Variants in SLC35D4 observed in about 807,000 individuals in gnomAD.
SLC35D4 encodes the protein UDP-N-acetylglucosamine transporter SLC35D4.
chr18:23,330,620 T>C, the SLC35D4 span, among the ~76,000 whole-genome samples: 1 of 152,124 alleles, frequency 6.6e-6, no homozygotes, highest in Admixed American at 6.5e-5. Context: ...CATTCAGCTC[T>C]CCGGATGGTT....
At chr18:23,270,847 T>C in the SLC35D4 span, among the ~76,000 whole-genome samples, 1 of 152,266 alleles carries the variant, frequency 6.6e-6, no homozygotes, top group South Asian at 2.1e-4. Flanking sequence ...ACAGTTACAA[T>C]AGGCAGAAGG....
chr18:23,350,313 G>A, the SLC35D4 span, among the ~76,000 whole-genome samples: 4 of 152,166 alleles, frequency 2.6e-5, no homozygotes, highest in Non-Finnish European at 4.4e-5. Context: ...ATAGCTTAGT[G>A]TTCTGGCAAA....
At chr18:23,300,278 T>A in the SLC35D4 span, among the ~76,000 whole-genome samples, 7,716 of 152,256 alleles carry the variant, frequency 0.051, 492 homozygotes, top group Admixed American at 0.18. Flanking sequence ...TTCAAGAGCA[T>A]GTATGCCACC....
chr18:23,355,516 G>T, the SLC35D4 span, among the ~76,000 whole-genome samples: 1 of 151,982 alleles, frequency 6.6e-6, no homozygotes, highest in Non-Finnish European at 1.5e-5. Context: ...AATTGTGTCA[G>T]TGTTTTCCTG....
chr18:23,329,296 C>T, the SLC35D4 span, among the ~76,000 whole-genome samples: 2 of 152,114 alleles, frequency 1.3e-5, no homozygotes, highest in Non-Finnish European at 2.9e-5. Context: ...AAAATTTTTG[C>T]AATCTATCCT....
chr18:23,355,190 T>G, the SLC35D4 span, among the ~76,000 whole-genome samples: 5 of 152,138 alleles, frequency 3.3e-5, no homozygotes, highest in Non-Finnish European at 5.9e-5. Context: ...CAAACAGAGA[T>G]TTCCAGATCT....
the SLC35D4 span, among the ~76,000 whole-genome samples, chr18:23,339,518 T>C: frequency 6.6e-6 from 1 of 152,238 alleles, no homozygotes; most frequent in Non-Finnish European, 1.5e-5. Context: ...GAGCTTGTTA[T>C]CATCACAACG....
the SLC35D4 span, among the ~76,000 whole-genome samples, chr18:23,254,728 C>T: frequency 6.6e-6 from 1 of 152,206 alleles, no homozygotes. Flanking sequence ...CAGAGAAAGA[C>T]AAAAAGCAAG....
At chr18:23,295,825 G>A in the SLC35D4 span, among the ~76,000 whole-genome samples, 8 of 152,140 alleles carry the variant, frequency 5.3e-5, no homozygotes, top group South Asian at 4.1e-4. Context: ...CATCAATGAC[G>A]TGGATATTCA....
the SLC35D4 span, among the ~76,000 whole-genome samples, chr18:23,385,708 C>T: frequency 6.6e-6 from 1 of 152,024 alleles, no homozygotes; most frequent in South Asian, 2.1e-4. Flanking sequence ...TTCTGAGGGA[C>T]CCAGGAACCA....
At chr18:23,396,061 T>C in the SLC35D4 span, among the ~76,000 whole-genome samples, 3 of 152,218 alleles carry the variant, frequency 2.0e-5, no homozygotes, top group African/African-American at 7.2e-5. Context: ...ATGTAGTGAA[T>C]GGACAGCTAC....
At chr18:23,341,482 C>T in the SLC35D4 span, among the ~76,000 whole-genome samples, 3 of 152,178 alleles carry the variant, frequency 2.0e-5, no homozygotes, top group African/African-American at 4.8e-5. Context: ...GCCCCCTTAA[C>T]GACCTCCCTC....
At chr18:23,334,723 G>A in the SLC35D4 span, among the ~76,000 whole-genome samples, 1 of 152,104 alleles carries the variant, frequency 6.6e-6, no homozygotes, top group Non-Finnish European at 1.5e-5. Context: ...GGGGCCGGCC[G>A]GGCACGGTGG....
chr18:23,339,974 C>T, the SLC35D4 span, among the ~76,000 whole-genome samples: 11 of 152,264 alleles, frequency 7.2e-5, no homozygotes, highest in African/African-American at 1.7e-4. Flanking sequence ...AGGGGTTCCG[C>T]GAATAGTGAC....
the SLC35D4 span, among the ~76,000 whole-genome samples, chr18:23,249,478 G>A: frequency 2.0e-5 from 3 of 152,324 alleles, no homozygotes; most frequent in Non-Finnish European, 2.9e-5. Context: ...TGGAAAACTT[G>A]TCATGGTGCA....
At chr18:23,397,970 T>C in the SLC35D4 span, among the ~76,000 whole-genome samples, 1 of 152,196 alleles carries the variant, frequency 6.6e-6, no homozygotes, top group Non-Finnish European at 1.5e-5. Context: ...GGAGGATGAC[T>C]TGAGCCTATT....
chr18:23,293,623 T>C, the SLC35D4 span, among the ~76,000 whole-genome samples: 2 of 152,158 alleles, frequency 1.3e-5, no homozygotes, highest in African/African-American at 4.8e-5. Flanking sequence ...CCCTTCTCTA[T>C]TTCAAGCTCA....
chr18:23,394,164 A>G, the SLC35D4 span, among the ~76,000 whole-genome samples: 5 of 152,226 alleles, frequency 3.3e-5, no homozygotes, highest in African/African-American at 9.6e-5. Flanking sequence ...ACCACTGTGC[A>G]TTCCCACCCG....
the SLC35D4 span, among the ~76,000 whole-genome samples, chr18:23,307,429 G>C: frequency 6.6e-6 from 1 of 152,204 alleles, no homozygotes; most frequent in Non-Finnish European, 1.5e-5. Flanking sequence ...TTGAATAGTA[G>C]TAATCAGAAT....
Sources: allele counts gnomAD v4.1 joint callset (sites outside exome capture counted in the v4.1 genomes callset), GRCh38; gene constraint gnomAD v4.1.1; transcripts MANE v1.5; gene names NCBI Gene and HGNC (gene_info 2026-07-23, HGNC 2026-07-21).